The following RBFOX1 variants were observed in gnomAD, a reference collection of about 807,000 sequenced individuals.
RBFOX1 encodes RNA binding fox-1 homolog 1.
Under a neutral mutation model 57.7 loss-of-function variants are expected in RBFOX1, and 8 were observed. The observed-to-expected ratio is 0.14, with a 90% confidence interval of 0.08 to 0.25. The LOEUF (loss-of-function observed/expected upper bound fraction) is 0.25, where lower values mean the gene tolerates loss of function less well. Ranked by LOEUF, RBFOX1 falls within the 10% of genes least tolerant of loss-of-function variation. RBFOX1 has a pLI of 1.00. For synonymous variants in RBFOX1, 326 were observed against 222.4 expected (o/e 1.47, Z -4.15); for missense variants, 611 against 548.5 (o/e 1.11, Z -1.14).
At chr16:6,926,254 C>G (rs542672832) in intron 3 of RBFOX1, among the ~76,000 whole-genome samples, 18 of 152,234 alleles carry the variant, frequency 1.2e-4, no homozygotes, top group African/African-American at 9.6e-5. Flanking sequence ...TTGCAGTGAG[C>G]TGAGATCACA....
chr16:6,691,406 C>G (rs746756630), intron 3 of RBFOX1, among the ~76,000 whole-genome samples: 2 of 152,180 alleles, frequency 1.3e-5, no homozygotes, highest in Non-Finnish European at 2.9e-5. Flanking sequence ...CCAAACTTGT[C>G]ACTTTCAACA....
At chr16:6,354,716 C>A (rs60666668) in intron 2 of RBFOX1, among the ~76,000 whole-genome samples, 2,901 of 152,226 alleles carry the variant, frequency 0.019, 80 homozygotes, top group African/African-American at 0.064. Flanking sequence ...TGGAACATTT[C>A]TCCTCCCTCG....
intron 1 of RBFOX1, among the ~76,000 whole-genome samples, chr16:5,407,672 C>T (rs146005219): frequency 6.6e-4 from 100 of 152,298 alleles, no homozygotes; most frequent in African/African-American, 2.2e-3. Flanking sequence ...CCTCAGCCTC[C>T]TGAGTAGCTG....
chr16:6,256,213 A>ATATATGTATATATATATGTG (rs1567788279), intron 1 of RBFOX1, among the ~76,000 whole-genome samples: 1 of 67,144 alleles, frequency 1.5e-5, no homozygotes. Flanking sequence ...GTATATGTGT[A>ATATATGTATATATATATGTG]TATATATGTA....
chr16:5,787,453 G>A (rs114999743), intron 3 of RBFOX1, among the ~76,000 whole-genome samples: 2 of 152,212 alleles, frequency 1.3e-5, no homozygotes, highest in Non-Finnish European at 1.5e-5. Context: ...TAAAGTCACT[G>A]TAGTTTGCAG....
At chr16:5,667,906 C>G (rs1596664840) in intron 3 of RBFOX1, among the ~76,000 whole-genome samples, 1 of 152,124 alleles carries the variant, frequency 6.6e-6, no homozygotes, top group African/African-American at 2.4e-5. Context: ...GCAAGGATGT[C>G]TCTGCAAAGA....
chr16:7,290,608 A>G (rs1377879691), intron 4 of RBFOX1, among the ~76,000 whole-genome samples: 2 of 152,246 alleles, frequency 1.3e-5, no homozygotes, highest in East Asian at 1.9e-4. Context: ...TCATTTTCAA[A>G]TTTGCTCATT....
intron 5 of RBFOX1, among the ~76,000 whole-genome samples, chr16:7,558,279 G>A (rs1304473337): frequency 6.6e-6 from 1 of 152,012 alleles, no homozygotes; most frequent in Non-Finnish European, 1.5e-5. Flanking sequence ...ACTTGAGCCT[G>A]GGAGGTCGCG....
chr16:5,524,252 G>C (rs73514136), intron 2 of RBFOX1, among the ~76,000 whole-genome samples: 1 of 152,152 alleles, frequency 6.6e-6, no homozygotes, highest in Admixed American at 6.5e-5. Context: ...ACTCAGGAGA[G>C]TGTGGACATA....
chr16:5,274,098 C>T (rs1301558095), intron 1 of RBFOX1, among the ~76,000 whole-genome samples: 2 of 152,186 alleles, frequency 1.3e-5, no homozygotes, highest in African/African-American at 4.8e-5. Flanking sequence ...CGTAGAAGTG[C>T]ATTTTCTACT....
At chr16:7,409,226 G>T (rs980986717) in intron 4 of RBFOX1, among the ~76,000 whole-genome samples, 1 of 152,162 alleles carries the variant, frequency 6.6e-6, no homozygotes, top group Non-Finnish European at 1.5e-5. Flanking sequence ...CTCTGATGTG[G>T]TCTTATCAGG....
chr16:6,879,230 G>C (rs1301037522), intron 3 of RBFOX1, among the ~76,000 whole-genome samples: 1 of 152,152 alleles, frequency 6.6e-6, no homozygotes, highest in African/African-American at 2.4e-5. Context: ...TCAATGAATT[G>C]ATTTTTATGG....
intron 4 of RBFOX1, among the ~76,000 whole-genome samples, chr16:7,180,867 C>G (rs1031733979): frequency 2.0e-5 from 3 of 152,148 alleles, no homozygotes; most frequent in East Asian, 3.9e-4. Flanking sequence ...GACATTGCCA[C>G]AAAGTATTTG....
intron 5 of RBFOX1, among the ~76,000 whole-genome samples, chr16:7,531,149 T>A (rs1405493829): frequency 6.6e-6 from 1 of 152,128 alleles, no homozygotes; most frequent in Non-Finnish European, 1.5e-5. Flanking sequence ...TAAAAAAAAA[T>A]ATGTAGAGTT....
intron 2 of RBFOX1, among the ~76,000 whole-genome samples, chr16:6,648,776 A>G (rs907383521): frequency 2.0e-5 from 3 of 152,132 alleles, no homozygotes; most frequent in Non-Finnish European, 4.4e-5. Flanking sequence ...TCATTTCTCA[A>G]TGGCATTTTC....
chr16:5,356,791 C>T (rs1458923135), intron 1 of RBFOX1, among the ~76,000 whole-genome samples: 1 of 152,122 alleles, frequency 6.6e-6, no homozygotes, highest in Non-Finnish European at 1.5e-5. Context: ...TATTTGACTG[C>T]TTTGATGTCT....
chr16:6,595,296 A>G (rs56946589), intron 2 of RBFOX1, among the ~76,000 whole-genome samples: 3,548 of 152,254 alleles, frequency 0.023, 135 homozygotes, highest in African/African-American at 0.08. Flanking sequence ...ATGTCATGTA[A>G]ATTGAATCAT....
chr16:7,291,683 C>T (rs1429558992), intron 4 of RBFOX1, among the ~76,000 whole-genome samples: 2 of 151,790 alleles, frequency 1.3e-5, no homozygotes, highest in African/African-American at 2.4e-5. Context: ...GGGACCTTGG[C>T]ACTGAGACAT....
intron 4 of RBFOX1, among the ~76,000 whole-genome samples, chr16:7,093,335 G>A (rs1428546683): frequency 2.6e-5 from 4 of 152,164 alleles, no homozygotes; most frequent in Non-Finnish European, 5.9e-5. Context: ...TGTGTCACCA[G>A]GAGATAGTTC....
Sources: allele counts gnomAD v4.1 joint callset (sites outside exome capture counted in the v4.1 genomes callset), GRCh38; gene constraint gnomAD v4.1.1; transcripts MANE v1.5; gene names NCBI Gene and HGNC (gene_info 2026-07-23, HGNC 2026-07-21).